NTM: variants seen among roughly 807,000 people sequenced by gnomAD.
NTM encodes neurotrimin, also known as IgLON family member 2.
A neutral mutation model predicts 42.1 loss-of-function variants in NTM; 13 were observed. The ratio of observed to expected loss-of-function variants is 0.31; its 90% CI spans 0.20 to 0.49. The LOEUF (loss-of-function observed/expected upper bound fraction) is 0.49, where lower values mean the gene tolerates loss of function less well. Among genes scored for constraint, NTM ranks in the 20% least tolerant of loss-of-function variants. The pLI is 0.99. For missense variants in NTM, 373 were observed against 452.8 expected (o/e 0.82, Z 1.60); for synonymous variants, 187 against 179.2 (o/e 1.04, Z -0.35).
At chr11:131,766,303 C>T (rs187706026) in intron 1 of NTM, among the ~76,000 whole-genome samples, 22 of 152,228 alleles carry the variant, frequency 1.4e-4, no homozygotes, top group African/African-American at 4.8e-4. Context: ...GACATAGCAC[C>T]CATCTCCAGA....
intron 2 of NTM, among the ~76,000 whole-genome samples, chr11:132,043,958 A>ATG (rs71067353): frequency 0.25 from 36,897 of 145,994 alleles, 5,452 homozygotes; most frequent in Non-Finnish European, 0.36. Context: ...GACACCAACT[A>ATG]TGTGTGTGTG....
At chr11:131,784,521 A>G (rs1043089776) in intron 1 of NTM, among the ~76,000 whole-genome samples, 1 of 152,222 alleles carries the variant, frequency 6.6e-6, no homozygotes, top group Admixed American at 6.5e-5. Flanking sequence ...TATGATTGCA[A>G]TCATGTAAAG....
intron 4 of NTM, among the ~76,000 whole-genome samples, chr11:132,298,868 A>C (rs1227617698): frequency 3.3e-5 from 5 of 152,170 alleles, no homozygotes; most frequent in Non-Finnish European, 7.3e-5. Context: ...TTTTGTTGAT[A>C]TTGATAGACA....
At chr11:132,019,581 A>G (rs2074006543) in intron 2 of NTM, among the ~76,000 whole-genome samples, 2 of 152,018 alleles carry the variant, frequency 1.3e-5, no homozygotes, top group Admixed American at 1.3e-4. Context: ...TGTCTTTGAA[A>G]TAGTTCTAGT....
intron 1 of NTM, among the ~76,000 whole-genome samples, chr11:131,731,018 T>C (rs1264920987): frequency 6.6e-6 from 1 of 152,208 alleles, no homozygotes; most frequent in Non-Finnish European, 1.5e-5. Context: ...CTTTTTTTTC[T>C]TACTCTGATG....
chr11:131,842,871 C>T (rs1003907306), intron 1 of NTM, among the ~76,000 whole-genome samples: 46 of 151,960 alleles, frequency 3.0e-4, no homozygotes, highest in African/African-American at 9.7e-4. Flanking sequence ...TTTAGTCGGG[C>T]GTGGTGCCGC....
chr11:131,986,557 C>A (rs186487983), intron 2 of NTM, among the ~76,000 whole-genome samples: 8 of 152,314 alleles, frequency 5.3e-5, no homozygotes, highest in African/African-American at 1.9e-4. Context: ...ACACAACTCA[C>A]CAGAGTTAAA....
At chr11:132,098,887 G>A (rs1471064038) in intron 2 of NTM, among the ~76,000 whole-genome samples, 1 of 152,212 alleles carries the variant, frequency 6.6e-6, no homozygotes, top group Non-Finnish European at 1.5e-5. Context: ...CCTGCAGCTT[G>A]GACTGTTTTG....
At chr11:131,874,525 T>C (rs1340113016) in intron 1 of NTM, among the ~76,000 whole-genome samples, 1 of 152,216 alleles carries the variant, frequency 6.6e-6, no homozygotes, top group African/African-American at 2.4e-5. Context: ...CTAAGTTTCT[T>C]AATTGTAACA....
chr11:131,605,100 A>T (rs557425760), intron 1 of NTM, among the ~76,000 whole-genome samples: 65 of 152,044 alleles, frequency 4.3e-4, no homozygotes, highest in Non-Finnish European at 7.2e-4. Context: ...CTGCAAAAAA[A>T]AAAGCCACAT....
At chr11:131,615,211 G>C (rs1163986658) in intron 1 of NTM, among the ~76,000 whole-genome samples, 1 of 152,178 alleles carries the variant, frequency 6.6e-6, no homozygotes, top group Non-Finnish European at 1.5e-5. Flanking sequence ...CACAGTCTGG[G>C]ACTACAGTCC....
At chr11:131,714,646 GACTA>G (rs2077504145) in intron 1 of NTM, among the ~76,000 whole-genome samples, 1 of 152,186 alleles carries the variant, frequency 6.6e-6, no homozygotes, top group Non-Finnish European at 1.5e-5. Context: ...GCTCATGTCT[GACTA>G]ACTACTTACT....
At chr11:132,001,948 C>A (rs375428084) in intron 2 of NTM, among the ~76,000 whole-genome samples, 1 of 151,918 alleles carries the variant, frequency 6.6e-6, no homozygotes, top group Non-Finnish European at 1.5e-5. Flanking sequence ...AGAGAGGAGG[C>A]GAATGAGTGG....
intron 4 of NTM, among the ~76,000 whole-genome samples, chr11:132,291,882 G>A (rs1182591471): frequency 6.6e-6 from 1 of 152,202 alleles, no homozygotes; most frequent in Non-Finnish European, 1.5e-5. Context: ...TCGGTGGAGA[G>A]GTGTGAACAG....
chr11:131,427,170 G>C (rs1948214304), intron 1 of NTM, among the ~76,000 whole-genome samples: 1 of 152,002 alleles, frequency 6.6e-6, no homozygotes, highest in African/African-American at 2.4e-5. Context: ...CGGCACCTGA[G>C]ATATCAAGGT....
chr11:131,926,707 T>G (rs1394169324), intron 2 of NTM, among the ~76,000 whole-genome samples: 2 of 152,186 alleles, frequency 1.3e-5, no homozygotes, highest in African/African-American at 4.8e-5. Flanking sequence ...CCCCAACACC[T>G]GTGTGGATTC....
chr11:132,219,892 A>T (rs2138831363), intron 4 of NTM, among the ~76,000 whole-genome samples: 1 of 152,318 alleles, frequency 6.6e-6, no homozygotes, highest in Non-Finnish European at 1.5e-5. Context: ...GAAAAGATTG[A>T]ATCTTTATAA....
chr11:131,564,078 C>G (rs1320812424), intron 1 of NTM, among the ~76,000 whole-genome samples: 2 of 152,178 alleles, frequency 1.3e-5, no homozygotes, highest in African/African-American at 4.8e-5. Flanking sequence ...ACTGCAGAAG[C>G]AGACATTTTG....
At chr11:131,396,668 CA>C (rs1944595187) in intron 1 of NTM, among the ~76,000 whole-genome samples, 1 of 151,998 alleles carries the variant, frequency 6.6e-6, no homozygotes, top group Admixed American at 6.6e-5. Flanking sequence ...ACCCTGTCTC[CA>C]CTAAAAACAC....
Sources: allele counts gnomAD v4.1 joint callset (sites outside exome capture counted in the v4.1 genomes callset), GRCh38; gene constraint gnomAD v4.1.1; transcripts MANE v1.5; gene names NCBI Gene and HGNC (gene_info 2026-07-23, HGNC 2026-07-21).